Variants in RAD51B observed in about 807,000 individuals in gnomAD.
RAD51B encodes DNA repair protein RAD51 homolog 2.
RAD51B carries 38 observed loss-of-function variants against 42.2 expected under a neutral mutation model. The observed-to-expected ratio is 0.90, with a 90% CI of 0.70 to 1.18. The LOEUF is 1.18. Ranked by LOEUF, RAD51B falls within the 50% of genes most tolerant of loss-of-function variation. The pLI, the probability that RAD51B is intolerant of heterozygous loss-of-function variation, is 0.00. For synonymous variants in RAD51B, 154 were observed against 145.2 expected, an observed-to-expected ratio of 1.06 and a Z score of -0.43; for missense variants, 373 against 400.7, an observed-to-expected ratio of 0.93 and a Z score of 0.59.
chr14:67,999,483 A>G (rs1209782894), intron 7 of RAD51B, among the ~76,000 whole-genome samples: 2 of 152,180 alleles, frequency 1.3e-5, no homozygotes, highest in African/African-American at 4.8e-5. Context: ...TAAACAACAC[A>G]TTCCAAGTCA....
intron 7 of RAD51B, among the ~76,000 whole-genome samples, chr14:68,124,796 A>G (rs2077722097): frequency 6.6e-6 from 1 of 152,134 alleles, no homozygotes; most frequent in Non-Finnish European, 1.5e-5. Context: ...TACTAAAAAT[A>G]CAAAGATTAG....
chr14:67,950,281 G>A (rs2074419782), intron 7 of RAD51B, among the ~76,000 whole-genome samples: 1 of 152,210 alleles, frequency 6.6e-6, no homozygotes, highest in Non-Finnish European at 1.5e-5. Flanking sequence ...ACCTTCATCA[G>A]TGATCTTAGG....
chr14:68,317,476 T>A (rs1409020066), intron 8 of RAD51B, among the ~76,000 whole-genome samples: 2 of 148,642 alleles, frequency 1.3e-5, no homozygotes, highest in Admixed American at 1.3e-4. Context: ...GTCAGGAAGG[T>A]CATCAGTAAA....
intron 10 of RAD51B, among the ~76,000 whole-genome samples, chr14:68,575,421 C>T (rs535118878): frequency 6.6e-6 from 1 of 152,260 alleles, no homozygotes; most frequent in South Asian, 2.1e-4. Context: ...TTTTATTTTC[C>T]CCAGGATGAG....
chr14:68,334,594 T>G (rs2082409491), intron 8 of RAD51B, among the ~76,000 whole-genome samples: 1 of 152,112 alleles, frequency 6.6e-6, no homozygotes, highest in African/African-American at 2.4e-5. Flanking sequence ...CAAACCTGTG[T>G]TGTTCAAGCA....
intron 7 of RAD51B, among the ~76,000 whole-genome samples, chr14:67,929,925 C>T (rs1378658065): frequency 1.3e-5 from 2 of 152,070 alleles, no homozygotes; most frequent in African/African-American, 2.4e-5. Flanking sequence ...GCTGGGATTA[C>T]AGGCAGGAGC....
intron 10 of RAD51B, among the ~76,000 whole-genome samples, chr14:68,635,235 C>G (rs951004022): frequency 1.3e-5 from 2 of 152,214 alleles, no homozygotes; most frequent in Non-Finnish European, 2.9e-5. Flanking sequence ...TGGGGCTCCT[C>G]AGCCCCATGC....
chr14:68,421,818 T>C, intron 9 of RAD51B: 1 of 1,594,516 alleles, frequency 6.3e-7, no homozygotes, highest in Non-Finnish European at 8.6e-7. Flanking sequence ...AAAGAGCACG[T>C]GCTTGCCATC....
intron 10 of RAD51B, among the ~76,000 whole-genome samples, chr14:68,551,349 G>T (rs552468137): frequency 6.6e-6 from 1 of 152,166 alleles, no homozygotes; most frequent in African/African-American, 2.4e-5. Context: ...CGCGTCCCTC[G>T]CAGGTTTGAT....
chr14:68,178,006 G>A (rs1192088289), intron 7 of RAD51B, among the ~76,000 whole-genome samples: 2 of 152,078 alleles, frequency 1.3e-5, no homozygotes, highest in Non-Finnish European at 2.9e-5. Context: ...CTTTTATAAT[G>A]CCCTTTTTCT....
chr14:67,861,521 A>G (rs1418485680), intron 4 of RAD51B, among the ~76,000 whole-genome samples: 3 of 151,360 alleles, frequency 2.0e-5, no homozygotes, highest in Admixed American at 2.0e-4. Context: ...ACTTGCAGTA[A>G]GTTATGTTCA....
At chr14:68,015,560 G>A (rs1057370961) in intron 7 of RAD51B, among the ~76,000 whole-genome samples, 5 of 152,150 alleles carry the variant, frequency 3.3e-5, no homozygotes, top group Non-Finnish European at 5.9e-5. Context: ...AAGAGGGCGC[G>A]TACAGAAGAA....
intron 8 of RAD51B, among the ~76,000 whole-genome samples, chr14:68,401,184 A>G (rs2084094470): frequency 6.6e-6 from 1 of 152,298 alleles, no homozygotes; most frequent in African/African-American, 2.4e-5. Flanking sequence ...GACAGTTCCT[A>G]CATAGTATCT....
intron 5 of RAD51B, among the ~76,000 whole-genome samples, chr14:67,883,568 T>G (rs2042980406): frequency 6.6e-6 from 1 of 152,168 alleles, no homozygotes; most frequent in South Asian, 2.1e-4. Flanking sequence ...TTATCTCTTT[T>G]AAGCTTTTGC....
At chr14:68,487,125 A>G (rs541149313) in intron 10 of RAD51B, among the ~76,000 whole-genome samples, 157 of 152,358 alleles carry the variant, frequency 1.0e-3, no homozygotes, top group Middle Eastern at 6.8e-3. Flanking sequence ...ATAAAAGAAT[A>G]CCACAAACTG....
At chr14:68,283,866 GCC>G (rs2081367080) in intron 7 of RAD51B, among the ~76,000 whole-genome samples, 1 of 152,232 alleles carries the variant, frequency 6.6e-6, no homozygotes, top group African/African-American at 2.4e-5. Context: ...GCCTTAGGGA[GCC>G]ACATGGTTAT....
chr14:68,222,802 C>T (rs2079956918), intron 7 of RAD51B, among the ~76,000 whole-genome samples: 1 of 152,178 alleles, frequency 6.6e-6, no homozygotes, highest in Non-Finnish European at 1.5e-5. Flanking sequence ...AAAATGACTA[C>T]AGAGTAGTTA....
intron 8 of RAD51B, among the ~76,000 whole-genome samples, chr14:68,325,831 A>G (rs2139780397): frequency 6.6e-6 from 1 of 152,104 alleles, no homozygotes; most frequent in South Asian, 2.1e-4. Flanking sequence ...CATAGCACTG[A>G]CCATCCTATT....
At chr14:68,222,104 G>T (rs542582490) in intron 7 of RAD51B, among the ~76,000 whole-genome samples, 113 of 152,328 alleles carry the variant, frequency 7.4e-4, no homozygotes, top group African/African-American at 2.4e-3. Flanking sequence ...ATGTAAAATA[G>T]TGCAACCACT....
Sources: gnomAD v4.1 joint callset for allele counts (sites outside exome capture counted in the v4.1 genomes callset) on GRCh38, gnomAD v4.1.1 for gene constraint, MANE v1.5 for transcripts, NCBI Gene and HGNC (gene_info 2026-07-23, HGNC 2026-07-21) for gene names.